The following PRKAR1B variants were observed in gnomAD, a reference collection of about 807,000 sequenced individuals.
PRKAR1B encodes the protein protein kinase cAMP-dependent type I regulatory subunit beta.
A neutral mutation model predicts 46.5 loss-of-function variants in PRKAR1B; 22 were observed. That is an observed-to-expected ratio of 0.47 (90% confidence interval 0.34 to 0.68). PRKAR1B has a LOEUF of 0.68. Among genes scored for constraint, PRKAR1B ranks in the 30% least tolerant of loss-of-function variants. PRKAR1B has a pLI of 0.01. For missense variants in PRKAR1B, 445 were observed against 535.6 expected, an observed-to-expected ratio of 0.83 and a Z score of 1.67; for synonymous variants, 259 against 217.7, an observed-to-expected ratio of 1.19 and a Z score of -1.67.
chr7:693,234 C>T (rs370880720), intron 2 of PRKAR1B, among the ~76,000 whole-genome samples: 34 of 145,808 alleles, frequency 2.3e-4, no homozygotes, highest in African/African-American at 8.1e-4. Flanking sequence ...TGGGTCCTGT[C>T]GAGCTTTTTT....
intron 4 of PRKAR1B, among the ~76,000 whole-genome samples, chr7:632,906 G>A (rs1783839991): frequency 6.6e-6 from 1 of 152,226 alleles, no homozygotes; most frequent in Non-Finnish European, 1.5e-5. Context: ...CTGAGCCTGG[G>A]GCCACACAGT....
Position 550,363 on chromosome 7 carries a change from C to A in PRKAR1B, c.*67G>T, listed in dbSNP as rs1448153642. The A allele has an allele frequency of 1.3e-5, 20 of 1,485,888 alleles. No homozygotes were observed. Among genetic ancestry groups the A allele is most frequent in the Non-Finnish European group, 1.7e-5 (19 of 1,091,226 alleles). The allele number at this position is 1,485,888 out of a possible 1,614,324, so 92.0% of individuals were successfully genotyped here. ...CACCTCACACAGCGGCTCCCGGGCC[C>A]CCGACACAGACGAGCAGGGCACGGC... is the stretch of plus-strand genomic sequence containing the variant. On this transcript the variant is annotated 3_prime_UTR_variant, in exon 11 of 11. Coordinates refer to ENST00000537384, the MANE Select transcript of PRKAR1B (RefSeq NM_001164760.2).
intron 1 of PRKAR1B, among the ~76,000 whole-genome samples, chr7:715,779 G>C (rs940904616): frequency 1.3e-5 from 2 of 151,856 alleles, no homozygotes; most frequent in Admixed American, 6.6e-5. Context: ...GCAGTGGCGT[G>C]ATCTCTGCTC....
At chr7:726,732 G>A (rs1781306005) in intron 1 of PRKAR1B, 3 of 1,242,852 alleles carry the variant, frequency 2.4e-6, no homozygotes, top group East Asian at 3.2e-5. Flanking sequence ...TGGCGGCGCT[G>A]GGGGTGGCGG....
In PRKAR1B at chr7:550,332, G is replaced by A. The variant is rs1179848153; in HGVS notation, c.*98C>T. The A allele has an allele frequency of 1.6e-5, 18 of 1,143,644 alleles. No individual in the cohort carries two copies. Among genetic ancestry groups the A allele is most frequent in the South Asian group, 1.0e-4 (7 of 69,268 alleles). The allele number at this position is 1,143,644 out of a possible 1,614,324, so 70.8% of individuals were successfully genotyped here. On this transcript the variant is annotated 3_prime_UTR_variant, in exon 11 of 11. Coordinates refer to ENST00000537384, the MANE Select transcript of PRKAR1B (RefSeq NM_001164760.2). ...ACGCTGCCGGGACCCAGCCCCACCCGGCCCACACCTCACACAGCGGCTCCC... is the reference window on the plus strand; with the variant it reads ...ACGCTGCCGGGACCCAGCCCCACCCAGCCCACACCTCACACAGCGGCTCCC...
chr7:551,372 A>G lies in PRKAR1B; in HGVS notation c.973+17T>C. ...TGGCCACAGCCGTGCGAGGGAGGGG[A>G]CGCCCACTGGACTCACCGAAGTAGT... is the stretch of plus-strand genomic sequence containing the variant. On this transcript the variant is annotated intron_variant, in intron 10 of 10. Coordinates refer to ENST00000537384, the MANE Select transcript of PRKAR1B (RefSeq NM_001164760.2). 6.4e-7 allele frequency: 1 copy of G among 1,550,806 alleles called. No individual in the cohort carries two copies. The highest frequency in any genetic ancestry group is 8.7e-7 in the Non-Finnish European group (1 of 1,146,970).
intron 6 of PRKAR1B, among the ~76,000 whole-genome samples, chr7:597,109 A>C (rs577177894): frequency 3.3e-5 from 5 of 152,392 alleles, no homozygotes; most frequent in African/African-American, 1.2e-4. Flanking sequence ...CCGTTACTAT[A>C]AATTGACACA....
intron 2 of PRKAR1B, among the ~76,000 whole-genome samples, chr7:707,773 A>G (rs1188193489): frequency 6.6e-6 from 1 of 152,156 alleles, no homozygotes; most frequent in East Asian, 1.9e-4. Context: ...AGCCTGGACC[A>G]CCCACAATCG....
At chr7:592,533 C>T (rs1012986744) in intron 7 of PRKAR1B, among the ~76,000 whole-genome samples, 1 of 152,096 alleles carries the variant, frequency 6.6e-6, no homozygotes, top group Non-Finnish European at 1.5e-5. Context: ...CTGGCTGTGC[C>T]GAGTCACTCC....
At chr7:586,242 T>G (rs569166704) in intron 7 of PRKAR1B, among the ~76,000 whole-genome samples, 32 of 152,198 alleles carry the variant, frequency 2.1e-4, no homozygotes, top group Admixed American at 4.6e-4. Context: ...ACACCTGGCA[T>G]GGAGGCAGCC....
intron 4 of PRKAR1B, among the ~76,000 whole-genome samples, chr7:654,742 C>T (rs997776029): frequency 1.2e-4 from 18 of 152,066 alleles, no homozygotes; most frequent in East Asian, 5.8e-4. Flanking sequence ...TCCTCATCAC[C>T]GTCACCACCA....
intron 9 of PRKAR1B, among the ~76,000 whole-genome samples, chr7:561,643 G>A (rs545486927): frequency 2.6e-5 from 4 of 152,212 alleles, no homozygotes; most frequent in Non-Finnish European, 5.9e-5. Flanking sequence ...CGGAACTGAT[G>A]TACGTCACAC....
intron 1 of PRKAR1B, among the ~76,000 whole-genome samples, chr7:722,059 G>A (rs79392195): frequency 0.013 from 1,945 of 146,768 alleles, 32 homozygotes; most frequent in East Asian, 0.11. Flanking sequence ...GGAATCTGTG[G>A]ATTTATGTTT....
intron 4 of PRKAR1B, among the ~76,000 whole-genome samples, chr7:664,257 G>A (rs1163393602): frequency 6.6e-6 from 1 of 152,186 alleles, no homozygotes; most frequent in Non-Finnish European, 1.5e-5. Flanking sequence ...CATGGCGTCC[G>A]TCGGAATGTG....
intron 2 of PRKAR1B, chr7:691,722 C>G (rs1028444643): frequency 8.7e-5 from 108 of 1,248,018 alleles, no homozygotes; most frequent in Non-Finnish European, 1.1e-4. Context: ...GGACAAAACC[C>G]CGGGGAGGGG....
intron 2 of PRKAR1B, among the ~76,000 whole-genome samples, chr7:699,928 T>A (rs988574196): frequency 1.3e-5 from 2 of 151,968 alleles, no homozygotes; most frequent in Non-Finnish European, 2.9e-5. Context: ...CGAGGCCCGA[T>A]GGGAAGCAGA....
At chr7:662,021 A>G (rs1476159655) in intron 4 of PRKAR1B, among the ~76,000 whole-genome samples, 4 of 54,228 alleles carry the variant, frequency 7.4e-5, no homozygotes, top group Admixed American at 1.8e-4. Flanking sequence ...CCCCACCCCA[A>G]CGGATCCAAA....
At chr7:557,057 TG>T (rs1778488290) in intron 9 of PRKAR1B, among the ~76,000 whole-genome samples, 1 of 152,174 alleles carries the variant, frequency 6.6e-6, no homozygotes, top group East Asian at 1.9e-4. Flanking sequence ...ACCCCCGGCC[TG>T]GGCCGGGCAG....
At chr7:657,346 T>G (rs578101733) in intron 4 of PRKAR1B, among the ~76,000 whole-genome samples, 1 of 152,108 alleles carries the variant, frequency 6.6e-6, no homozygotes, top group Admixed American at 6.5e-5. Context: ...AGTGAATGTG[T>G]GGATGGGTGA....
Sources: gnomAD v4.1 joint callset for allele counts (sites outside exome capture counted in the v4.1 genomes callset) on GRCh38, gnomAD v4.1.1 for gene constraint, MANE v1.5 for transcripts, NCBI Gene and HGNC (gene_info 2026-07-23, HGNC 2026-07-21) for gene names.